Variants in PLEKHM3 observed in about 807,000 individuals in gnomAD.
PLEKHM3 encodes the protein pleckstrin homology domain-containing family M member 3.
A neutral mutation model predicts 81.8 loss-of-function variants in PLEKHM3; 45 were observed. The ratio of observed to expected loss-of-function variants is 0.55; its 90% CI spans 0.43 to 0.71. PLEKHM3 has a LOEUF of 0.71. Ranked by LOEUF, PLEKHM3 falls within the 30% of genes least tolerant of loss-of-function variation. The pLI is 0.00. For synonymous variants in PLEKHM3, 352 were observed against 356.4 expected (o/e 0.99, Z 0.14); for missense variants, 788 against 924.3 (o/e 0.85, Z 1.91).
At chr2:207,911,988 AATCAC>A (rs544143361) in intron 5 of PLEKHM3, among the ~76,000 whole-genome samples, 212 of 152,336 alleles carry the variant, frequency 1.4e-3, no homozygotes, top group African/African-American at 4.5e-3. Flanking sequence ...TTACAAACCA[AATCAC>A]ACTGGCATAC....
intron 7 of PLEKHM3, among the ~76,000 whole-genome samples, chr2:207,840,797 A>ATTTTTTTAT (rs1234865200): frequency 1.8e-5 from 2 of 110,278 alleles, no homozygotes; most frequent in Non-Finnish European, 3.8e-5. Flanking sequence ...AACACTTTTT[A>ATTTTTTTAT]TGTTTTTTTT....
chr2:207,880,761 T>A (rs1170366545), intron 6 of PLEKHM3, among the ~76,000 whole-genome samples: 3 of 356 alleles, frequency 8.4e-3, no homozygotes, highest in Non-Finnish European at 0.022. Context: ...AGACTCTGTC[T>A]CAAAAAAAAA....
Position 208,001,462 on chromosome 2 carries a change from T to C in PLEKHM3, c.178A>G (p.Met60Val), listed in dbSNP as rs1219087202. The change falls in exon 2 of 8, where the codon ATG becomes GTG. Residue 60 changes from methionine (M) to valine (V), a missense_variant. Transcript: ENST00000427836. Reference sequence around the variant, plus strand: ...TTGCCCAGGGAGGTGACATTTCTCATAGCACCATTGTCTGTTATGTTACTG... The same window carrying C: ...TTGCCCAGGGAGGTGACATTTCTCACAGCACCATTGTCTGTTATGTTACTG... ...VLSNITDNGA[M>V]RNVTSLGKGG... 12 of 1,614,200 alleles carry C rather than the reference T, an allele frequency of 7.4e-6. No homozygotes were observed. The highest frequency in any genetic ancestry group is 1.0e-5 in the Non-Finnish European group (12 of 1,180,034).
Position 208,001,676 on chromosome 2 carries a change from G to A in PLEKHM3, c.-37C>T, listed in dbSNP as rs753856363. ...CAGGAGGCCTTAGCCTCCTAAGCTG[G>A]TTCCAGAAATGGCTTCATGAACATT... is the stretch of plus-strand genomic sequence containing the variant. On this transcript the variant is annotated 5_prime_UTR_variant, in exon 2 of 8. Coordinates refer to ENST00000427836, the MANE Select transcript of PLEKHM3 (RefSeq NM_001080475.3). 2 of 1,571,738 alleles carry A rather than the reference G, an allele frequency of 1.3e-6. No individual in the cohort carries two copies. The highest frequency in any genetic ancestry group is 1.4e-5 in the African/African-American group (1 of 72,900).
chr2:208,000,876 A>G (rs1486368907), intron 2 of PLEKHM3, among the ~76,000 whole-genome samples, 154 bp downstream of exon 2: 5 of 152,152 alleles, frequency 3.3e-5, no homozygotes, highest in African/African-American at 9.7e-5. Flanking sequence ...TGGATGCTGG[A>G]GCATAAGATT....
intron 6 of PLEKHM3, among the ~76,000 whole-genome samples, chr2:207,889,853 G>T (rs1329338718): frequency 2.0e-5 from 3 of 152,086 alleles, no homozygotes; most frequent in African/African-American, 7.2e-5. Context: ...GCCCAGGCTT[G>T]AGTGCAGTGG....
In PLEKHM3 at chr2:207,843,850, G is replaced by C. The variant is rs1461062019; in HGVS notation, c.2109-15354C>G. On this transcript the variant is annotated intron_variant, in intron 7 of 7. Coordinates refer to ENST00000427836, the MANE Select transcript of PLEKHM3 (RefSeq NM_001080475.3). The surrounding 1 kb of genome is among the most constrained non-coding windows in gnomAD (Gnocchi z 4.4). ...CATGCCTGTAATCCCAGCAATTTGG[G>C]AGGCCAGGGCAGGAGGATTGCTTGA... Among the ~76,000 whole-genome samples the C allele has an allele frequency of 6.6e-6, 1 of 152,116 alleles. No homozygotes were observed. Among genetic ancestry groups the C allele is most frequent in the East Asian group, 1.9e-4 (1 of 5,196 alleles).
chr2:208,009,511 G>T lies in PLEKHM3; in HGVS notation c.-318-7554C>A, dbSNP rs539270612. Among the ~76,000 whole-genome samples, 4 of 152,290 alleles carry T rather than the reference G, an allele frequency of 2.6e-5. No homozygotes were observed. In the East Asian group the frequency reaches 7.7e-4, roughly 29 times the overall value. On this transcript the variant is annotated intron_variant, in intron 1 of 7. Transcript: ENST00000427836. Reference sequence around the variant, plus strand: ...TTATCAAAAGCCTATTTTGTGCCAGGTATGTCGCTTGGTATTTCATATCTC... The same window carrying T: ...TTATCAAAAGCCTATTTTGTGCCAGTTATGTCGCTTGGTATTTCATATCTC...
chr2:207,923,906 T>TATATATATATA (rs1491270678), intron 5 of PLEKHM3, among the ~76,000 whole-genome samples: 9 of 59,718 alleles, frequency 1.5e-4, no homozygotes, highest in South Asian at 5.4e-4. Flanking sequence ...TATATATATA[T>TATATATATATA]TTTTTTTTTT....
chr2:207,914,388 C>T (rs998007938), intron 5 of PLEKHM3, among the ~76,000 whole-genome samples: 19 of 151,978 alleles, frequency 1.3e-4, no homozygotes, highest in African/African-American at 4.4e-4. Context: ...ATCCCAGCTA[C>T]TCAGGAGGCT....
At chr2:208,003,780 A>G (rs1481177012) in intron 1 of PLEKHM3, among the ~76,000 whole-genome samples, 1 of 152,170 alleles carries the variant, frequency 6.6e-6, no homozygotes. Flanking sequence ...GAAACTTGGG[A>G]TATTTTTCAA....
chr2:207,923,999 C>T (rs1689299020), intron 5 of PLEKHM3, among the ~76,000 whole-genome samples: 1 of 147,958 alleles, frequency 6.8e-6, no homozygotes, highest in African/African-American at 2.5e-5. Flanking sequence ...ACCTCCGCCT[C>T]CCAGGTTCGA....
At chr2:207,868,085 C>T (rs1466370015) in intron 6 of PLEKHM3, among the ~76,000 whole-genome samples, 1 of 152,126 alleles carries the variant, frequency 6.6e-6, no homozygotes, top group Non-Finnish European at 1.5e-5. Flanking sequence ...TATGTCAACC[C>T]TAAACTGCTG....
chr2:207,858,168 G>A (rs1024077882), intron 7 of PLEKHM3, among the ~76,000 whole-genome samples: 2 of 106,456 alleles, frequency 1.9e-5, no homozygotes, highest in African/African-American at 7.9e-5. Context: ...GTGTGTGTGT[G>A]TGTGTGTATA....
At chr2:207,959,488 C>T (rs1369808121) in intron 3 of PLEKHM3, among the ~76,000 whole-genome samples, 1 of 152,148 alleles carries the variant, frequency 6.6e-6, no homozygotes, top group Non-Finnish European at 1.5e-5. Flanking sequence ...ATTTAGAAGT[C>T]GCTTCTTACA....
At chr2:207,969,853 G>A (rs1485095227) in intron 3 of PLEKHM3, among the ~76,000 whole-genome samples, 2 of 152,102 alleles carry the variant, frequency 1.3e-5, no homozygotes, top group East Asian at 1.9e-4. Context: ...CCCCCACTAA[G>A]CATATAAATG....
At chr2:207,891,109 T>C (rs951500202) in intron 6 of PLEKHM3, among the ~76,000 whole-genome samples, 1 of 152,206 alleles carries the variant, frequency 6.6e-6, no homozygotes, top group Non-Finnish European at 1.5e-5. Flanking sequence ...ATTGTTCATG[T>C]AGGAAACACC....
chr2:207,990,865 T>G (rs1202890765), intron 2 of PLEKHM3, among the ~76,000 whole-genome samples: 1 of 152,220 alleles, frequency 6.6e-6, no homozygotes, highest in Non-Finnish European at 1.5e-5. Flanking sequence ...CATTTTCCCT[T>G]CATAAACCTA....
intron 4 of PLEKHM3, among the ~76,000 whole-genome samples, chr2:207,935,799 A>G (rs936330584): frequency 1.1e-4 from 16 of 152,170 alleles, no homozygotes; most frequent in African/African-American, 3.9e-4. Context: ...ATCACTTCAT[A>G]AAAGAGTTTT....
Sources: allele counts gnomAD v4.1 joint callset (sites outside exome capture counted in the v4.1 genomes callset), GRCh38; gene constraint gnomAD v4.1.1; non-coding constraint Gnocchi (gnomAD v3.1); transcripts MANE v1.5; gene names NCBI Gene and HGNC (gene_info 2026-07-23, HGNC 2026-07-21).